SH3GL3: variants seen among roughly 807,000 people sequenced by gnomAD.
The protein encoded by SH3GL3 is SH3 domain containing GRB2 like 3, endophilin A3.
A neutral mutation model predicts 47.7 loss-of-function variants in SH3GL3; 33 were observed. The ratio of observed to expected loss-of-function variants is 0.69; its 90% CI spans 0.52 to 0.92. The LOEUF is 0.92. Among genes scored for constraint, SH3GL3 ranks in the 40% least tolerant of loss-of-function variants. The pLI is 0.00. For missense variants in SH3GL3, 363 were observed against 417.8 expected (o/e 0.87, Z 1.14); for synonymous variants, 155 against 148.8 (o/e 1.04, Z -0.30).
chr15:83,464,758 C>G lies in SH3GL3; in HGVS notation c.45+17180C>G, dbSNP rs74024683. On this transcript the variant is annotated intron_variant, in intron 1 of 8. Coordinates refer to ENST00000427482, the MANE Select transcript of SH3GL3 (RefSeq NM_003027.5). ...CTTTTCTCCATCTCTGCTACTATCA[C>G]CTTGGTCCTGGCCATCATTTCTTGC... Among the ~76,000 whole-genome samples the G allele has an allele frequency of 7.0e-3, 1,065 of 152,238 alleles. 14 individuals are homozygous for G. Among genetic ancestry groups the G allele is most frequent in the African/African-American group, 0.02 (824 of 41,542 alleles).
chr15:83,591,573 T>C lies in SH3GL3; in HGVS notation c.838+2802T>C, dbSNP rs2060099373. Among the ~76,000 whole-genome samples, 3 of 152,106 alleles carry C rather than the reference T, an allele frequency of 2.0e-5. No individual in the cohort carries two copies. The South Asian group carries it at 6.2e-4, about 32-fold the overall frequency. On this transcript the variant is annotated intron_variant, in intron 8 of 8. Transcript: ENST00000427482. ...ACGTATGTGGTTTTAAAAAGGCAAATGTAGTTACCTCTACCTCTGTGTGAA... is the reference window on the plus strand; with the variant it reads ...ACGTATGTGGTTTTAAAAAGGCAAACGTAGTTACCTCTACCTCTGTGTGAA...
At chr15:83,589,845 C>T (rs1016145078) in intron 8 of SH3GL3, among the ~76,000 whole-genome samples, 1 of 152,128 alleles carries the variant, frequency 6.6e-6, no homozygotes, top group Non-Finnish European at 1.5e-5. Flanking sequence ...TATTGGTGGA[C>T]GTTAAGGTTT....
chr15:83,618,037 C>CTGTACTTTTTGTCATCTGTA (rs1325856728), intron 8 of SH3GL3, 45 bp from the exon 9 acceptor site: 1 of 1,240,604 alleles, frequency 8.1e-7, no homozygotes, highest in East Asian at 2.3e-5. Context: ...CATGGATAAT[C>CTGTACTTTTTGTCATCTGTA]CATCATGTTC....
chr15:83,549,494 G>C (rs1217007066), intron 1 of SH3GL3, among the ~76,000 whole-genome samples: 2 of 152,080 alleles, frequency 1.3e-5, no homozygotes, highest in African/African-American at 4.8e-5. Context: ...TTACTCCTAG[G>C]GTTTAGGCAT....
intron 5 of SH3GL3, among the ~76,000 whole-genome samples, chr15:83,574,681 C>G (rs1387970701): frequency 6.6e-6 from 1 of 152,192 alleles, no homozygotes; most frequent in South Asian, 2.1e-4. Context: ...CCCTTCACAG[C>G]CTGGCCCCTC....
intron 1 of SH3GL3, among the ~76,000 whole-genome samples, chr15:83,508,637 G>A (rs890058817): frequency 6.6e-6 from 1 of 152,080 alleles, no homozygotes; most frequent in African/African-American, 2.4e-5. Flanking sequence ...GAGTGCAGTG[G>A]CACGATCTCA....
Position 83,567,957 on chromosome 15 carries a change from CTTTT to C in SH3GL3, c.188-564_188-561del, listed in dbSNP as rs397705514. Among the ~76,000 whole-genome samples, 905 of 140,632 alleles carry C rather than the reference CTTTT, an allele frequency of 6.4e-3. 2 individuals carry two copies. The highest frequency in any genetic ancestry group is 8.9e-3 in the Non-Finnish European group (566 of 63,840). 92.3% of individuals were successfully genotyped at this position (140,632 alleles called of 152,430 possible). ...AAGTCAGCAATGTGCCCCATCATTT[CTTTT>C]TTTTTTTCTTTCTTTCTTTCTTTCT... is the stretch of plus-strand genomic sequence containing the variant. On this transcript the variant is annotated intron_variant, in intron 3 of 8. Coordinates refer to ENST00000427482, the MANE Select transcript of SH3GL3 (RefSeq NM_003027.5).
chr15:83,457,763 T>C (rs1022647412), intron 1 of SH3GL3, among the ~76,000 whole-genome samples: 1 of 152,094 alleles, frequency 6.6e-6, no homozygotes, highest in African/African-American at 2.4e-5. Context: ...TGATAAATCC[T>C]TTTTTTTAAA....
intron 8 of SH3GL3, among the ~76,000 whole-genome samples, chr15:83,603,721 G>A (rs796580568): frequency 2.0e-5 from 3 of 152,298 alleles, no homozygotes; most frequent in African/African-American, 7.2e-5. Flanking sequence ...CCAAGGTTTA[G>A]CTAACATCCA....
Position 83,523,644 on chromosome 15 carries a change from C to T in SH3GL3, c.46-35609C>T, listed in dbSNP as rs566891182. On this transcript the variant is annotated intron_variant, in intron 1 of 8. Coordinates refer to ENST00000427482, the MANE Select transcript of SH3GL3 (RefSeq NM_003027.5). Reference sequence around the variant, plus strand: ...TTCTGAAATCATGGAAATTTCTGGCCCTTATCTCTAGATGAAGATCCCACC... The same window carrying T: ...TTCTGAAATCATGGAAATTTCTGGCTCTTATCTCTAGATGAAGATCCCACC... Among the ~76,000 whole-genome samples, 63 of 152,264 alleles carry T rather than the reference C, an allele frequency of 4.1e-4. 1 individual carries two copies. Among genetic ancestry groups the T allele is most frequent in the African/African-American group, 1.5e-3 (62 of 41,546 alleles).
At chr15:83,631,582 A>G in the SH3GL3 span, among the ~76,000 whole-genome samples, 1 of 152,320 alleles carries the variant, frequency 6.6e-6, no homozygotes, top group Non-Finnish European at 1.5e-5. Flanking sequence ...TAAGCCACCA[A>G]GGGTTGGGGC....
intron 1 of SH3GL3, among the ~76,000 whole-genome samples, chr15:83,523,678 A>T (rs1347843868): frequency 3.9e-5 from 6 of 152,106 alleles, no homozygotes; most frequent in Non-Finnish European, 7.4e-5. Flanking sequence ...CCTTAATTTT[A>T]TGTATCCAAC....
At chr15:83,562,784 C>G (rs1434819932) in intron 2 of SH3GL3, among the ~76,000 whole-genome samples, 3 of 152,192 alleles carry the variant, frequency 2.0e-5, no homozygotes, top group Non-Finnish European at 2.9e-5. Flanking sequence ...ACAGCATTTT[C>G]CTAAGCCCTT....
At chr15:83,630,532 G>A in the SH3GL3 span, among the ~76,000 whole-genome samples, 1 of 152,054 alleles carries the variant, frequency 6.6e-6, no homozygotes, top group South Asian at 2.1e-4. Context: ...GAGGGCTGGG[G>A]AGGCCTCAGG....
chr15:83,568,444 T>G, intron 3 of SH3GL3, 85 bp from the exon 4 acceptor site: 2 of 1,101,390 alleles, frequency 1.8e-6, no homozygotes, highest in African/African-American at 1.6e-5. Context: ...GTGACCTCAG[T>G]TTTGGCAGCT....
chr15:83,543,659 TTCAAAC>T (rs1167004402), intron 1 of SH3GL3, among the ~76,000 whole-genome samples: 1 of 152,062 alleles, frequency 6.6e-6, no homozygotes, highest in Non-Finnish European at 1.5e-5. Context: ...GACTTTGTAT[TTCAAAC>T]GAGATCAAAT....
intron 1 of SH3GL3, among the ~76,000 whole-genome samples, chr15:83,520,409 G>A (rs2043157014): frequency 2.0e-5 from 3 of 152,192 alleles, no homozygotes; most frequent in Non-Finnish European, 4.4e-5. Context: ...CCCCTAAGGT[G>A]TAATCCACCT....
intron 1 of SH3GL3, among the ~76,000 whole-genome samples, chr15:83,471,632 G>C (rs1360407523): frequency 1.3e-5 from 2 of 152,154 alleles, no homozygotes; most frequent in East Asian, 3.9e-4. Flanking sequence ...CATACTACCG[G>C]ACACAGGTCT....
rs149730344 is a variant in SH3GL3 at position 83,465,994 on chromosome 15, G to T, written c.45+18416G>T. 3.2e-3 allele frequency among the ~76,000 whole-genome samples: 482 copies of T among 152,224 alleles called. 1 individual carries two copies. The highest frequency in any genetic ancestry group is 0.011 in the African/African-American group (459 of 41,560). ...TATAGAACAGGTCCACTACCACAAA[G>T]ATCCCCTGTGTCACCCTTTATAGCC... On this transcript the variant is annotated intron_variant, in intron 1 of 8. Transcript: ENST00000427482.
Sources: gnomAD v4.1 joint callset for allele counts (sites outside exome capture counted in the v4.1 genomes callset) on GRCh38, gnomAD v4.1.1 for gene constraint, MANE v1.5 for transcripts, NCBI Gene and HGNC (gene_info 2026-07-23, HGNC 2026-07-21) for gene names.